OVGP1: variants seen among roughly 807,000 people sequenced by gnomAD.
The protein encoded by OVGP1 is oviduct-specific glycoprotein.
In OVGP1, 26 loss-of-function variants were observed where a neutral mutation model predicts 48.2. The observed-to-expected ratio is 0.54, with a 90% CI of 0.40 to 0.75. The LOEUF (loss-of-function observed/expected upper bound fraction) is 0.75, where lower values mean the gene tolerates loss of function less well. Ranked by LOEUF, OVGP1 falls within the 30% of genes least tolerant of loss-of-function variation. OVGP1 has a pLI of 0.00. For synonymous variants in OVGP1, 294 were observed against 305.7 expected, an observed-to-expected ratio of 0.96 and a Z score of 0.40; for missense variants, 791 against 820.6, an observed-to-expected ratio of 0.96 and a Z score of 0.44.
intron 9 of OVGP1, among the ~76,000 whole-genome samples, chr1:111,419,287 T>C (rs1180126285): frequency 6.6e-6 from 1 of 152,202 alleles, no homozygotes; most frequent in Non-Finnish European, 1.5e-5. Context: ...TGATCTACTT[T>C]GTGTTGGTAT....
intron 2 of OVGP1, 89 bp from the exon 3 acceptor site, chr1:111,426,730 A>G (rs1270425758): frequency 6.4e-7 from 1 of 1,554,740 alleles, no homozygotes; most frequent in Non-Finnish European, 8.7e-7. Flanking sequence ...GCAGCCCAAG[A>G]GACCAGGCCA....
At chr1:111,415,556 C>T (rs531268178) in intron 10 of OVGP1, among the ~76,000 whole-genome samples, 16 of 152,316 alleles carry the variant, frequency 1.1e-4, no homozygotes, top group South Asian at 1.0e-3. Context: ...AGGTCCCAGA[C>T]ACCCACAGGC....
intron 9 of OVGP1, among the ~76,000 whole-genome samples, chr1:111,417,953 AG>A (rs1652175146): frequency 6.6e-6 from 1 of 152,186 alleles, no homozygotes; most frequent in African/African-American, 2.4e-5. Flanking sequence ...CTCCCTGGGA[AG>A]GGGACTTTCA....
chr1:111,420,675 G>T (rs1652245510), intron 8 of OVGP1, among the ~76,000 whole-genome samples: 1 of 152,170 alleles, frequency 6.6e-6, no homozygotes, highest in South Asian at 2.1e-4. Context: ...CACCTCTGGT[G>T]GTTACATTCC....
chr1:111,427,064 T>C lies in OVGP1; in HGVS notation c.53A>G (p.Asp18Gly). ...AAGGGAAAACACAGTTTCCTTACCA[T>C]CGTGGTGTTTCAGCACAAGAACCAG... ...VGLVLVLKHH[D>G]GAAHKLVCYF... The change falls in exon 2 of 11, where the codon GAT becomes GGT. Residue 18 changes from aspartate to glycine, a missense_variant and splice_region_variant. Transcript: ENST00000369732. The C allele has an allele frequency of 6.2e-7, 1 of 1,614,014 alleles. No homozygotes were observed. Among genetic ancestry groups the C allele is most frequent in the Non-Finnish European group, 8.5e-7 (1 of 1,179,978 alleles).
chr1:111,420,134 T>C (rs1336086784), intron 8 of OVGP1, among the ~76,000 whole-genome samples: 3 of 152,208 alleles, frequency 2.0e-5, no homozygotes, highest in African/African-American at 7.2e-5. Context: ...TATAGGTGGT[T>C]CTCAAACTAG....
intron 10 of OVGP1, among the ~76,000 whole-genome samples, chr1:111,415,854 G>A (rs376244223): frequency 6.6e-6 from 1 of 152,074 alleles, no homozygotes; most frequent in South Asian, 2.1e-4. Context: ...AGCTCCAGTC[G>A]CATTACCCAT....
Position 111,427,701 on chromosome 1 carries a change from C to A in OVGP1, c.21G>T (p.Trp7Cys). The change falls in exon 1 of 11, where the codon TGG becomes TGT. Residue 7 changes from tryptophan to cysteine, a missense_variant. Trp to Cys is a radical substitution (Grantham distance 215). Coordinates refer to ENST00000369732, the MANE Select transcript of OVGP1 (RefSeq NM_002557.4). ...GCTGGGACCTGCCACACTCACCAAC[C>A]CACAGCAACAGCTTCCACATCTCAA... is the stretch of plus-strand genomic sequence containing the variant. MWKLLL[W>C]VGLVLVLKHH... The A allele has an allele frequency of 1.9e-6, 3 of 1,613,042 alleles. No homozygotes were observed. The highest frequency in any genetic ancestry group is 1.7e-6 in the Non-Finnish European group (2 of 1,179,826).
At chr1:111,422,802 T>C in intron 6 of OVGP1, 125 bp downstream of exon 6, 1 of 1,093,580 alleles carries the variant, frequency 9.1e-7, no homozygotes, top group South Asian at 1.4e-5. Flanking sequence ...AGCCCCAAAC[T>C]TGCACTGACG....
chr1:111,420,502 C>A (rs1652240754), intron 8 of OVGP1, among the ~76,000 whole-genome samples: 1 of 152,226 alleles, frequency 6.6e-6, no homozygotes, highest in Non-Finnish European at 1.5e-5. Flanking sequence ...AAAGTACTCA[C>A]CCTGTCCCTC....
At position 111,416,358 on chromosome 1, in the gene OVGP1, A is replaced by G; in HGVS notation, c.1121T>C (p.Leu374Pro). The change falls in exon 10 of 11, where the codon CTT (leucine) becomes CCT (proline). Residue 374 changes from leucine to proline, a missense_variant. Physicochemically the swap from Leu to Pro is moderately conservative, Grantham distance 98. Transcript: ENST00000369732. Reference protein sequence around the residue: ...GTFCGTGPFPLVYVLNDILVR... With the variant: ...GTFCGTGPFPPVYVLNDILVR... ...CAGGATATCATTCAATACGTAGACA[A>G]GGGGGAAAGGGCCAGTGCCACAGAA... 1 of 1,605,568 alleles carries G rather than the reference A, an allele frequency of 6.2e-7. No individual in the cohort carries two copies. The highest frequency in any genetic ancestry group is 8.5e-7 in the Non-Finnish European group (1 of 1,175,724).
chr1:111,416,180 G>C (rs1652129670), intron 10 of OVGP1, 143 bp downstream of exon 10: 1 of 846,970 alleles, frequency 1.2e-6, no homozygotes, highest in Non-Finnish European at 1.7e-6. Context: ...ACAAAGACTG[G>C]AAAACATATT....
intron 5 of OVGP1, 102 bp from the exon 6 acceptor site, chr1:111,423,153 C>T (rs1030598826): frequency 1.4e-6 from 2 of 1,450,124 alleles, no homozygotes; most frequent in Non-Finnish European, 9.5e-7. Flanking sequence ...CTGAGCCAGG[C>T]TCTGGGACAC....
intron 9 of OVGP1, among the ~76,000 whole-genome samples, chr1:111,417,829 G>A (rs928174006): frequency 1.3e-5 from 2 of 152,332 alleles, no homozygotes. Context: ...AGTGGGGTCT[G>A]CGCTACAGAG....
rs1379112726 is a variant in OVGP1 at position 111,425,448 on chromosome 1, TGAGA to T, written c.261-13_261-10del. ...TTTTCAGCTCTCTGTTCCTATGATGTGAGAGAGAGGGTTGATGAGCTGGGTTCTT... is the reference window on the plus strand; with the variant it reads ...TTTTCAGCTCTCTGTTCCTATGATGTGAGAGGGTTGATGAGCTGGGTTCTT... On this transcript the variant is annotated splice_polypyrimidine_tract_variant and intron_variant, in intron 3 of 10. Coordinates refer to ENST00000369732, the MANE Select transcript of OVGP1 (RefSeq NM_002557.4). 1 of 1,613,820 alleles carries T rather than the reference TGAGA, an allele frequency of 6.2e-7. No homozygotes were observed. The highest frequency in any genetic ancestry group is 1.3e-5 in the African/African-American group (1 of 74,878).
In OVGP1 at chr1:111,421,439, C is replaced by T. The variant is rs772407259; in HGVS notation, c.740G>A (p.Arg247Lys). Residue 247 changes from arginine (R) to lysine (K), a missense_variant, in exon 8 of 11, where the codon AGA becomes AAA. By Grantham distance (26) the Arg-to-Lys change is conservative. Transcript: ENST00000369732. ...CTTCTCTGAGGGTGCCCCAAGCTTT[C>T]TCCAATAATTCATAGCATATGCCTG... ...KSSAYAMNYWRKLGAPSEKLI... is the reference protein window; with the variant it reads ...KSSAYAMNYWKKLGAPSEKLI... 2.5e-6 allele frequency: 4 copies of T among 1,611,464 alleles called. No homozygotes were observed. Among genetic ancestry groups the T allele is most frequent in the Middle Eastern group, 3.3e-4 (2 of 6,038 alleles).
chr1:111,415,637 C>T (rs372989104), intron 10 of OVGP1, among the ~76,000 whole-genome samples: 1 of 152,102 alleles, frequency 6.6e-6, no homozygotes, highest in African/African-American at 2.4e-5. Flanking sequence ...GTGCTTAAGC[C>T]CTCACTTTGA....
intron 9 of OVGP1, 98 bp from the exon 10 acceptor site, chr1:111,416,556 G>T: frequency 8.9e-7 from 1 of 1,123,726 alleles, no homozygotes; most frequent in Non-Finnish European, 1.2e-6. Context: ...AAGCAATGTA[G>T]CTGGGTGGTT....
intron 8 of OVGP1, among the ~76,000 whole-genome samples, chr1:111,420,105 C>A (rs180682526): frequency 2.6e-5 from 4 of 152,270 alleles, no homozygotes; most frequent in Non-Finnish European, 5.9e-5. Context: ...TTCATTAGAT[C>A]CCAGCACAGA....
Sources: allele counts gnomAD v4.1 joint callset (sites outside exome capture counted in the v4.1 genomes callset), GRCh38; gene constraint gnomAD v4.1.1; transcripts MANE v1.5; gene names NCBI Gene and HGNC (gene_info 2026-07-23, HGNC 2026-07-21).